The following PPHLN1 variants were observed in gnomAD, a reference collection of about 807,000 sequenced individuals.
PPHLN1 encodes periphilin 1, also known as periphilin-1.
PPHLN1 carries 29 observed loss-of-function variants against 51.3 expected under a neutral mutation model. That is an observed-to-expected ratio of 0.57 (90% CI 0.42 to 0.77). PPHLN1 has a LOEUF of 0.77. Among genes scored for constraint, PPHLN1 ranks in the 30% least tolerant of loss-of-function variants. PPHLN1 has a pLI of 0.00. For missense variants in PPHLN1, 436 were observed against 438.4 expected (o/e 0.99, Z 0.05); for synonymous variants, 147 against 147.8 (o/e 0.99, Z 0.04).
At chr12:42,446,339 A>G (rs776375324), downstream of PPHLN1, 7 of 1,526,330 alleles carry the variant, frequency 4.6e-6, no homozygotes, top group South Asian at 7.8e-5. Context: ...CGTACCTACT[A>G]TACCCTATTA....
intron 9 of PPHLN1, among the ~76,000 whole-genome samples, chr12:42,402,699 G>A (rs2078948059): frequency 6.6e-6 from 1 of 151,852 alleles, no homozygotes; most frequent in Admixed American, 6.6e-5. Flanking sequence ...AAGGACACAG[G>A]GCTCTTAAAT....
chr12:42,414,334 G>A (rs547728975), intron 9 of PPHLN1, among the ~76,000 whole-genome samples: 50 of 151,934 alleles, frequency 3.3e-4, no homozygotes, highest in Non-Finnish European at 4.6e-4. Context: ...CGCGGCCGGC[G>A]ATGTTGGTAT....
At chr12:42,446,135 C>A (rs1453731749), downstream of PPHLN1, 1 of 1,578,896 alleles carries the variant, frequency 6.3e-7, no homozygotes, top group East Asian at 2.3e-5. Flanking sequence ...GACGACACAG[C>A]TTCGTCGGAC....
intron 9 of PPHLN1, among the ~76,000 whole-genome samples, chr12:42,434,552 C>G (rs2082314486): frequency 1.3e-5 from 2 of 152,112 alleles, no homozygotes; most frequent in African/African-American, 4.8e-5. Flanking sequence ...TCTTGTGGGA[C>G]TGAGTCCTTA....
At chr12:42,329,684 C>T (rs1275016765) in intron 1 of PPHLN1, 1 of 152,008 alleles carries the variant, frequency 6.6e-6, no homozygotes, top group Non-Finnish European at 1.5e-5. Flanking sequence ...ATTATTAGTG[C>T]TAATTAAAGA....
rs981722780 is a variant in PPHLN1, at chr12:42,393,562, TTTA to T, written c.649-4_649-2del. ...AGAATTGTAACAGAAATGTTCTATTTTTATTAGGTGTTAGACAAACCCAGTAGG... is the reference window on the plus strand; with the variant it reads ...AGAATTGTAACAGAAATGTTCTATTTTTAGGTGTTAGACAAACCCAGTAGG... On this transcript the variant is annotated splice_region_variant and splice_polypyrimidine_tract_variant and intron_variant, in intron 7 of 9. Transcript: ENST00000358314. 2.4e-5 allele frequency: 38 copies of T among 1,581,774 alleles called. No individual in the cohort carries two copies. The highest frequency in any genetic ancestry group is 3.2e-5 in the Non-Finnish European group (37 of 1,169,440).
rs367652044 is a variant in PPHLN1, at chr12:42,393,593, A to G, written c.672A>G (p.Leu224=). ...SSKVLDKPSR[L]TEKELAEAAS... ...AGGTGTTAGACAAACCCAGTAGGCTAACTGAAAAGGAACTTGCTGAGGCTG... is the reference window on the plus strand; with the variant it reads ...AGGTGTTAGACAAACCCAGTAGGCTGACTGAAAAGGAACTTGCTGAGGCTG... Residue 224 remains leucine, a synonymous_variant, in exon 8 of 10, where the codon CTA becomes CTG. Transcript: ENST00000358314. 2.1e-4 allele frequency: 339 copies of G among 1,609,744 alleles called. No individual in the cohort carries two copies. In the Middle Eastern group the frequency reaches 4.3e-3, roughly 20 times the overall value.
intron 9 of PPHLN1, among the ~76,000 whole-genome samples, chr12:42,404,029 C>A (rs1268684521): frequency 6.6e-6 from 1 of 151,136 alleles, no homozygotes; most frequent in Non-Finnish European, 1.5e-5. Flanking sequence ...GAGACCTTTT[C>A]CTCTTTTTTT....
At chr12:42,445,173 T>C, downstream of PPHLN1, 1 of 701,398 alleles carries the variant, frequency 1.4e-6, no homozygotes, top group Non-Finnish European at 2.6e-6. Context: ...AGCCCACAGC[T>C]CACTGCCTGA....
chr12:42,367,971 A>G (rs946903931), intron 4 of PPHLN1, among the ~76,000 whole-genome samples: 2 of 152,172 alleles, frequency 1.3e-5, no homozygotes, highest in East Asian at 1.9e-4. Flanking sequence ...CTTGAACTCA[A>G]GTGATCCATC....
chr12:42,369,298 A>G (rs2075575654), intron 4 of PPHLN1, among the ~76,000 whole-genome samples: 1 of 152,196 alleles, frequency 6.6e-6, no homozygotes, highest in Non-Finnish European at 1.5e-5. Flanking sequence ...TCTGTAAAGT[A>G]AGTTCCCTGG....
At chr12:42,346,538 G>A (rs767399610) in intron 2 of PPHLN1, among the ~76,000 whole-genome samples, 38 of 152,132 alleles carry the variant, frequency 2.5e-4, no homozygotes, top group South Asian at 8.3e-4. Context: ...GAATAATGCT[G>A]CAGTGAACAT....
chr12:42,343,133 T>TCAGTATATACA (rs2071740708), intron 2 of PPHLN1, among the ~76,000 whole-genome samples: 1 of 152,188 alleles, frequency 6.6e-6, no homozygotes, highest in Non-Finnish European at 1.5e-5. Flanking sequence ...TCTACTTAAT[T>TCAGTATATACA]TAGTAATTCA....
chr12:42,446,554 TATACTC>T, downstream of PPHLN1: 1 of 1,609,210 alleles, frequency 6.2e-7, no homozygotes, highest in East Asian at 2.2e-5. Flanking sequence ...TATTACTAAT[TATACTC>T]ATGTTTGTCT....
chr12:42,374,875 T>C lies in PPHLN1; in HGVS notation c.312T>C (p.Asp104=). The change falls in exon 5 of 10, where the codon GAT becomes GAC. Residue 104 remains aspartate, a synonymous_variant. Transcript: ENST00000358314. ...TTTTTTTTCAAAGGGACATGAGAGATGGCTTTAGAAGAAAAAGTTTCTACT... is the reference window on the plus strand; with the variant it reads ...TTTTTTTTCAAAGGGACATGAGAGACGGCTTTAGAAGAAAAAGTTTCTACT... ...SRQPEYRDMR[D]GFRRKSFYSS... The C allele has an allele frequency of 6.2e-7, 1 of 1,607,172 alleles. No homozygotes were observed. The highest frequency in any genetic ancestry group is 8.5e-7 in the Non-Finnish European group (1 of 1,176,510).
intron 9 of PPHLN1, among the ~76,000 whole-genome samples, chr12:42,402,812 G>A (rs541275960): frequency 1.3e-4 from 20 of 152,232 alleles, no homozygotes; most frequent in South Asian, 1.0e-3. Flanking sequence ...GTTTTCTTCC[G>A]TAGATAGGGT....
At chr12:42,332,221 G>T (rs1289185884) in intron 1 of PPHLN1, among the ~76,000 whole-genome samples, 1 of 152,070 alleles carries the variant, frequency 6.6e-6, no homozygotes, top group Non-Finnish European at 1.5e-5. Context: ...GAAAGAAAAA[G>T]AAAATTGCAA....
intron 4 of PPHLN1, chr12:42,361,279 G>A (rs532719689): frequency 2.6e-5 from 4 of 152,186 alleles, no homozygotes; most frequent in Non-Finnish European, 4.4e-5. Context: ...CAGATCTGCT[G>A]GTACCTTGAT....
intron 4 of PPHLN1, among the ~76,000 whole-genome samples, chr12:42,363,093 T>C (rs1385850150): frequency 6.6e-6 from 1 of 152,170 alleles, no homozygotes; most frequent in Non-Finnish European, 1.5e-5. Flanking sequence ...ATGCCAATGC[T>C]TGTGTTGCTA....
Sources: allele counts gnomAD v4.1 joint callset (sites outside exome capture counted in the v4.1 genomes callset), GRCh38; gene constraint gnomAD v4.1.1; transcripts MANE v1.5; gene names NCBI Gene and HGNC (gene_info 2026-07-23, HGNC 2026-07-21).